Variants in COL14A1 observed in about 807,000 individuals in gnomAD.
COL14A1 encodes collagen type XIV alpha 1 chain.
Under a neutral mutation model 230.3 loss-of-function variants are expected in COL14A1, and 136 were observed. The observed-to-expected ratio is 0.59, with a 90% CI of 0.51 to 0.68. The LOEUF is 0.68. Ranked by LOEUF, COL14A1 falls within the 30% of genes least tolerant of loss-of-function variation. COL14A1 has a pLI of 0.00. For missense variants in COL14A1, 1,976 were observed against 2,215.8 expected (o/e 0.89, Z 2.17); for synonymous variants, 792 against 784.1 (o/e 1.01, Z -0.17).
chr8:120,151,639 C>CAAA (rs59123417), intron 2 of COL14A1, among the ~76,000 whole-genome samples: 2,661 of 78,230 alleles, frequency 0.034, 196 homozygotes, highest in Middle Eastern at 0.051. Flanking sequence ...GACTCCGTCT[C>CAAA]AAAAAAAAAA....
chr8:120,316,308 C>T (rs16893907), intron 40 of COL14A1, among the ~76,000 whole-genome samples: 23,454 of 151,992 alleles, frequency 0.15, 1,936 homozygotes, highest in African/African-American at 0.19. Flanking sequence ...TCTTTCAAAT[C>T]CTTGAGGCAT....
At chr8:120,286,360 CT>C (rs1820202291) in intron 33 of COL14A1, among the ~76,000 whole-genome samples, 1 of 152,124 alleles carries the variant, frequency 6.6e-6, no homozygotes, top group Non-Finnish European at 1.5e-5. Context: ...GCTGAATCAT[CT>C]TAAAATGTGC....
chr8:120,148,253 C>T (rs978368801), intron 2 of COL14A1, among the ~76,000 whole-genome samples: 10 of 151,962 alleles, frequency 6.6e-5, no homozygotes, highest in African/African-American at 2.2e-4. Context: ...CTGCCTCAGC[C>T]TCCCAAGTAG....
At chr8:120,236,263 G>C (rs1410870826) in intron 19 of COL14A1, among the ~76,000 whole-genome samples, 1 of 152,104 alleles carries the variant, frequency 6.6e-6, no homozygotes, top group Non-Finnish European at 1.5e-5. Context: ...TCTCTTTGTA[G>C]GTTTCTAAGA....
At chr8:120,186,673 G>C (rs1816662541) in intron 5 of COL14A1, among the ~76,000 whole-genome samples, 1 of 152,230 alleles carries the variant, frequency 6.6e-6, no homozygotes, top group African/African-American at 2.4e-5. Context: ...GTGCGGTAGT[G>C]TGGCAGGGCA....
At chr8:120,313,194 T>C (rs962686586) in intron 37 of COL14A1, among the ~76,000 whole-genome samples, 17 of 152,064 alleles carry the variant, frequency 1.1e-4, no homozygotes, top group Non-Finnish European at 2.9e-5. Flanking sequence ...ACCCCATCTC[T>C]ACTAAAAATA....
chr8:120,297,665 CATTCATATCATAGGCAACTCGTTGAG>C (rs1230608270), intron 35 of COL14A1, 77 bp downstream of exon 35: 4 of 761,404 alleles, frequency 5.3e-6, no homozygotes, highest in Non-Finnish European at 5.7e-6. Flanking sequence ...TATTTCTCAA[CATTCATATCATAGGCAACTCGTTGAG>C]ATGATAAAAT....
chr8:120,314,295 A>G (rs1338620928), intron 38 of COL14A1, among the ~76,000 whole-genome samples: 7 of 152,202 alleles, frequency 4.6e-5, no homozygotes, highest in Admixed American at 1.3e-4. Context: ...CTTAGCATGT[A>G]TAGCCCTTTT....
intron 5 of COL14A1, among the ~76,000 whole-genome samples, chr8:120,193,656 A>T (rs192042522): frequency 6.6e-6 from 1 of 152,174 alleles, no homozygotes; most frequent in African/African-American, 2.4e-5. Flanking sequence ...CCAGAGGTGG[A>T]GCCTACAGAG....
At chr8:120,247,351 A>G (rs1363791003) in intron 20 of COL14A1, among the ~76,000 whole-genome samples, 1 of 151,920 alleles carries the variant, frequency 6.6e-6, no homozygotes, top group Admixed American at 6.6e-5. Flanking sequence ...TGAATCCAGG[A>G]GGTGGAGGTT....
At chr8:120,210,398 T>A (rs1235110011) in intron 12 of COL14A1, among the ~76,000 whole-genome samples, 2 of 152,232 alleles carry the variant, frequency 1.3e-5, no homozygotes, top group Non-Finnish European at 2.9e-5. Flanking sequence ...ATTATTAAGG[T>A]TTATACTCAG....
intron 26 of COL14A1, among the ~76,000 whole-genome samples, chr8:120,276,045 C>T (rs149840461): frequency 1.8e-4 from 27 of 151,842 alleles, no homozygotes; most frequent in African/African-American, 6.3e-4. Context: ...TTTATTTTAG[C>T]ACAATTCACA....
chr8:120,201,863 C>T (rs1817260665), intron 8 of COL14A1, among the ~76,000 whole-genome samples: 1 of 152,104 alleles, frequency 6.6e-6, no homozygotes, highest in African/African-American at 2.4e-5. Context: ...CCTCTCTTTT[C>T]TGTGCAGTTG....
intron 19 of COL14A1, among the ~76,000 whole-genome samples, chr8:120,240,665 A>G (rs942752109): frequency 2.6e-5 from 4 of 152,306 alleles, no homozygotes; most frequent in African/African-American, 9.6e-5. Flanking sequence ...TGTGTACTGA[A>G]GTTGGACAAT....
chr8:120,234,069 CT>C lies in COL14A1; in HGVS notation c.2349+2454del, dbSNP rs775667936. On this transcript the variant is annotated intron_variant, in intron 19 of 47. Coordinates refer to ENST00000297848, the MANE Select transcript of COL14A1 (RefSeq NM_021110.4). ...GTTGGATTCCTAGGTATTTTATTCCCTTTGTAGCAATTGTGAATAGGAGTTC... is the reference window on the plus strand; with the variant it reads ...GTTGGATTCCTAGGTATTTTATTCCCTTGTAGCAATTGTGAATAGGAGTTC... 5.0e-4 allele frequency among the ~76,000 whole-genome samples: 76 copies of C among 151,792 alleles called. 1 individual carries two copies. Among genetic ancestry groups the C allele is most frequent in the Non-Finnish European group, 2.2e-4 (15 of 68,014 alleles).
chr8:120,347,231 G>A (rs1348834590), intron 45 of COL14A1, among the ~76,000 whole-genome samples: 1 of 152,024 alleles, frequency 6.6e-6, no homozygotes, highest in Non-Finnish European at 1.5e-5. Context: ...AATCACCCAA[G>A]GATTCTCAAA....
chr8:120,193,717 C>CGGCTG (rs1816919179), intron 5 of COL14A1, among the ~76,000 whole-genome samples: 3 of 152,164 alleles, frequency 2.0e-5, no homozygotes, highest in Admixed American at 2.0e-4. Flanking sequence ...TTGAGCTTCC[C>CGGCTG]GGCTGGTTTG....
chr8:120,366,221 G>T (rs534421122), intron 45 of COL14A1, among the ~76,000 whole-genome samples: 1 of 152,298 alleles, frequency 6.6e-6, no homozygotes, highest in South Asian at 2.1e-4. Context: ...ATAGTTATTT[G>T]CAATTTTAAA....
chr8:120,329,773 A>G (rs1757635367), intron 40 of COL14A1, among the ~76,000 whole-genome samples: 1 of 152,236 alleles, frequency 6.6e-6, no homozygotes, highest in African/African-American at 2.4e-5. Context: ...GTAAAAATAA[A>G]AATACTAATA....
Sources: allele counts gnomAD v4.1 joint callset (sites outside exome capture counted in the v4.1 genomes callset), GRCh38; gene constraint gnomAD v4.1.1; transcripts MANE v1.5; gene names NCBI Gene and HGNC (gene_info 2026-07-23, HGNC 2026-07-21).